The following TANGO6 variants were observed in gnomAD, a reference collection of about 807,000 sequenced individuals.
The protein encoded by TANGO6 is transport and Golgi organization protein 6 homolog.
TANGO6 carries 90 observed loss-of-function variants against 114.2 expected under a neutral mutation model. That is an observed-to-expected ratio of 0.79 (90% confidence interval 0.66 to 0.94). The LOEUF is 0.94. Among genes scored for constraint, TANGO6 ranks in the 40% least tolerant of loss-of-function variants. TANGO6 has a pLI of 0.00. For synonymous variants in TANGO6, 477 were observed against 509.8 expected, an observed-to-expected ratio of 0.94 and a Z score of 0.87; for missense variants, 1,274 against 1,315.3, an observed-to-expected ratio of 0.97 and a Z score of 0.49.
intron 14 of TANGO6, among the ~76,000 whole-genome samples, chr16:68,947,349 G>GA (rs1963424420): frequency 6.6e-6 from 1 of 151,880 alleles, no homozygotes; most frequent in Non-Finnish European, 1.5e-5. Flanking sequence ...AGCTACTCAG[G>GA]AGGCTGAAGC....
chr16:68,994,315 T>C (rs1251180998), intron 15 of TANGO6, among the ~76,000 whole-genome samples: 1 of 152,216 alleles, frequency 6.6e-6, no homozygotes, highest in East Asian at 1.9e-4. Context: ...CTTTTGCAAG[T>C]CTAAGTGTAA....
At chr16:68,989,963 C>T (rs184558083) in intron 15 of TANGO6, among the ~76,000 whole-genome samples, 122 of 152,268 alleles carry the variant, frequency 8.0e-4, no homozygotes, top group African/African-American at 2.6e-3. Context: ...TCATGATCTT[C>T]GTCCTGCTTG....
At chr16:68,939,577 A>T (rs909956772) in intron 14 of TANGO6, among the ~76,000 whole-genome samples, 54 of 137,530 alleles carry the variant, frequency 3.9e-4, no homozygotes, top group African/African-American at 1.1e-3. Context: ...ACTAAAAGGA[A>T]TTTTTTTTTT....
intron 3 of TANGO6, 119 bp downstream of exon 3, chr16:68,863,180 T>C (rs1170051407): frequency 1.8e-6 from 1 of 560,240 alleles, no homozygotes; most frequent in Non-Finnish European, 3.0e-6. Context: ...TGAGCCTTTT[T>C]TCATCTTTTA....
chr16:68,967,123 C>G (rs1282442726), intron 14 of TANGO6, among the ~76,000 whole-genome samples: 1 of 152,048 alleles, frequency 6.6e-6, no homozygotes, highest in Non-Finnish European at 1.5e-5. Context: ...GCTGTGTTGC[C>G]CAGGCTGGAA....
chr16:69,014,090 G>A (rs1478494717), intron 15 of TANGO6, among the ~76,000 whole-genome samples: 4 of 152,084 alleles, frequency 2.6e-5, no homozygotes, highest in African/African-American at 9.7e-5. Flanking sequence ...GATGCTTTTG[G>A]CTGCAAGTAA....
chr16:69,013,635 GC>G (rs200590378), intron 15 of TANGO6, among the ~76,000 whole-genome samples: 2 of 148,478 alleles, frequency 1.3e-5, no homozygotes, highest in Non-Finnish European at 3.0e-5. Context: ...AAAAAAAAAG[GC>G]GGGGTTGCCT....
chr16:69,040,047 T>C (rs1394193214), intron 16 of TANGO6, among the ~76,000 whole-genome samples: 1 of 152,202 alleles, frequency 6.6e-6, no homozygotes, highest in Non-Finnish European at 1.5e-5. Flanking sequence ...GCATATAATA[T>C]ACAGTACACA....
At chr16:68,916,420 A>G (rs143207953) in intron 11 of TANGO6, among the ~76,000 whole-genome samples, 2,326 of 152,160 alleles carry the variant, frequency 0.015, 21 homozygotes, top group Non-Finnish European at 0.023. Context: ...TCTGAGGTGG[A>G]ACAGTTTCAT....
chr16:69,082,648 G>A (rs1960483033), intron 17 of TANGO6, among the ~76,000 whole-genome samples: 1 of 152,124 alleles, frequency 6.6e-6, no homozygotes, highest in African/African-American at 2.4e-5. Flanking sequence ...AGGAGGCTGA[G>A]GCAGGAGAAT....
At chr16:69,060,338 C>T (rs1174349020) in intron 17 of TANGO6, among the ~76,000 whole-genome samples, 1 of 152,046 alleles carries the variant, frequency 6.6e-6, no homozygotes. Context: ...TTTATATTCC[C>T]AAAAGCTAGC....
chr16:68,978,350 CAT>C (rs1963785543), intron 15 of TANGO6, among the ~76,000 whole-genome samples: 1 of 152,200 alleles, frequency 6.6e-6, no homozygotes, highest in South Asian at 2.1e-4. Context: ...CTCCTCCTTA[CAT>C]AGTCTTATAA....
rs140767405 is a variant in TANGO6 at position 68,905,079 on chromosome 16, G to A, written c.1668-2364G>A. ...CTCTACTAAAAATACAAAATTAGCC[G>A]GGCGTGGTGGCATGGTGGCGCATGC... On this transcript the variant is annotated intron_variant, in intron 9 of 17. Transcript: ENST00000261778. 4.8e-3 allele frequency among the ~76,000 whole-genome samples: 729 copies of A among 151,784 alleles called. 8 individuals are homozygous for A. The highest frequency in any genetic ancestry group is 0.017 in the African/African-American group (702 of 41,386).
chr16:68,949,894 T>C (rs998812275), intron 14 of TANGO6, among the ~76,000 whole-genome samples: 2 of 152,142 alleles, frequency 1.3e-5, no homozygotes, highest in Non-Finnish European at 1.5e-5. Flanking sequence ...TACATATTAA[T>C]ATCTACCGCC....
intron 15 of TANGO6, among the ~76,000 whole-genome samples, chr16:69,019,324 A>C (rs1370667612): frequency 6.6e-6 from 1 of 152,190 alleles, no homozygotes. Flanking sequence ...TATTCTGAAA[A>C]TAGGTTATGT....
intron 15 of TANGO6, among the ~76,000 whole-genome samples, chr16:68,988,241 G>GT (rs1963914794): frequency 6.6e-6 from 1 of 152,186 alleles, no homozygotes; most frequent in African/African-American, 2.4e-5. Context: ...CCAGTGATCA[G>GT]TTATTCCTCC....
intron 14 of TANGO6, among the ~76,000 whole-genome samples, chr16:68,960,649 C>T (rs1442904239): frequency 1.3e-5 from 2 of 151,988 alleles, no homozygotes; most frequent in Non-Finnish European, 2.9e-5. Flanking sequence ...TGCAAGTGTA[C>T]GCCACCATGC....
At chr16:68,989,254 T>C (rs931178987) in intron 15 of TANGO6, among the ~76,000 whole-genome samples, 1 of 152,094 alleles carries the variant, frequency 6.6e-6, no homozygotes, top group Non-Finnish European at 1.5e-5. Context: ...ATATTAGATT[T>C]TTTTGTTCTT....
At chr16:68,915,381 C>T (rs1468210423) in intron 11 of TANGO6, among the ~76,000 whole-genome samples, 1 of 152,124 alleles carries the variant, frequency 6.6e-6, no homozygotes, top group Non-Finnish European at 1.5e-5. Flanking sequence ...ATCCTCCCAC[C>T]TCAGCTTCCT....
Sources: gnomAD v4.1 joint callset for allele counts (sites outside exome capture counted in the v4.1 genomes callset) on GRCh38, gnomAD v4.1.1 for gene constraint, MANE v1.5 for transcripts, NCBI Gene and HGNC (gene_info 2026-07-23, HGNC 2026-07-21) for gene names.